TGFBRAP1: variants seen among roughly 807,000 people sequenced by gnomAD.
TGFBRAP1 encodes the protein transforming growth factor-beta receptor-associated protein 1.
In TGFBRAP1, 20 loss-of-function variants were observed where a neutral mutation model predicts 83.2. The observed-to-expected ratio is 0.24, with a 90% CI of 0.17 to 0.35. TGFBRAP1 has a LOEUF of 0.35. Ranked by LOEUF, TGFBRAP1 falls within the 10% of genes least tolerant of loss-of-function variation. TGFBRAP1 has a pLI of 1.00. For missense variants in TGFBRAP1, 950 were observed against 1,099.4 expected, an observed-to-expected ratio of 0.86 and a Z score of 1.92; for synonymous variants, 415 against 459.8, an observed-to-expected ratio of 0.90 and a Z score of 1.25.
chr2:105,329,597 C>T (rs1679314119), intron 1 of TGFBRAP1, 28 bp downstream of exon 1: 1 of 148,368 alleles, frequency 6.7e-6, no homozygotes, highest in African/African-American at 2.4e-5. Flanking sequence ...AGCCCCGCAC[C>T]CCGCGCCCCG....
chr2:105,316,465 G>GCGCGCGCGCA (rs1678872555), intron 1 of TGFBRAP1, among the ~76,000 whole-genome samples: 1 of 58,452 alleles, frequency 1.7e-5, no homozygotes, highest in African/African-American at 5.2e-5. Flanking sequence ...GTGTGTGTGC[G>GCGCGCGCGCA]CGCGCGCGCG....
At position 105,307,609 on chromosome 2, in the gene TGFBRAP1, C is replaced by A; in HGVS notation, c.688+5G>T. 1 of 1,601,834 alleles carries A rather than the reference C, an allele frequency of 6.2e-7. No homozygotes were observed. Among genetic ancestry groups the A allele is most frequent in the South Asian group, 1.1e-5 (1 of 89,278 alleles). ...AGATCAGGCGCACAAATGCATCCTC[C>A]TCACCCAGCCCTCCGGGGCCCGCCA... is the stretch of plus-strand genomic sequence containing the variant. On this transcript the variant is annotated splice_donor_5th_base_variant and intron_variant, in intron 2 of 11. Coordinates refer to ENST00000393359, the MANE Select transcript of TGFBRAP1 (RefSeq NM_004257.6).
At chr2:105,252,779 G>T in the TGFBRAP1 span, among the ~76,000 whole-genome samples, 15,594 of 132,768 alleles carry the variant, frequency 0.12, 1,136 homozygotes, top group Middle Eastern at 0.18. Context: ...TTGAGACAGA[G>T]TCTTTCTCTG....
At chr2:105,297,396 C>T (rs960516739) in intron 3 of TGFBRAP1, among the ~76,000 whole-genome samples, 15 of 152,196 alleles carry the variant, frequency 9.9e-5, no homozygotes, top group Non-Finnish European at 2.2e-4. Flanking sequence ...CACCCTGAGC[C>T]CGACTCTACC....
chr2:105,276,158 T>A (rs944748185), intron 7 of TGFBRAP1, among the ~76,000 whole-genome samples: 2 of 152,228 alleles, frequency 1.3e-5, no homozygotes, highest in African/African-American at 4.8e-5. Flanking sequence ...AGGCAGATGT[T>A]GTGCTTTTAC....
rs759889355 is a variant in TGFBRAP1 at position 105,298,661 on chromosome 2, G to A, written c.733C>T (p.His245Tyr). The change falls in exon 3 of 12, where the codon CAC becomes TAC. Residue 245 changes from histidine (H) to tyrosine (Y), a missense_variant. By Grantham distance (83) the His-to-Tyr change is moderately conservative. Coordinates refer to ENST00000393359, the MANE Select transcript of TGFBRAP1 (RefSeq NM_004257.6). ...GCCCCAATCACATTCTCCGACCAGTGCACGGGGGCGCGCTGGGATATCCCT... is the reference window on the plus strand; with the variant it reads ...GCCCCAATCACATTCTCCGACCAGTACACGGGGGCGCGCTGGGATATCCCT... ...VAGISQRAPV[H>Y]WSENVIGAAV... is the part of the protein sequence containing the mutation. The A allele has an allele frequency of 2.0e-5, 32 of 1,608,362 alleles. No individual in the cohort carries two copies. Among genetic ancestry groups the A allele is most frequent in the Non-Finnish European group, 2.6e-5 (31 of 1,176,158 alleles).
At chr2:105,274,363 C>T (rs566005628) in intron 8 of TGFBRAP1, among the ~76,000 whole-genome samples, 6 of 152,208 alleles carry the variant, frequency 3.9e-5, no homozygotes, top group Admixed American at 1.3e-4. Context: ...ATCATGTGCA[C>T]GCACACACGC....
At chr2:105,272,628 T>C (rs79812157) in intron 10 of TGFBRAP1, among the ~76,000 whole-genome samples, 3,962 of 152,054 alleles carry the variant, frequency 0.026, 163 homozygotes, top group African/African-American at 0.09. Flanking sequence ...TCCCAGCACC[T>C]TAGGAGGCAG....
At chr2:105,318,472 A>G (rs953456196) in intron 1 of TGFBRAP1, among the ~76,000 whole-genome samples, 1 of 152,218 alleles carries the variant, frequency 6.6e-6, no homozygotes, top group African/African-American at 2.4e-5. Context: ...ATATACACGT[A>G]CATGTAGAAT....
intron 10 of TGFBRAP1, among the ~76,000 whole-genome samples, chr2:105,272,583 G>A (rs1238448306): frequency 6.6e-6 from 1 of 152,156 alleles, no homozygotes; most frequent in South Asian, 2.1e-4. Context: ...GTCAAAAGAG[G>A]CTCAAGGGCT....
chr2:105,259,184 G>A, the TGFBRAP1 span, among the ~76,000 whole-genome samples: 1 of 152,212 alleles, frequency 6.6e-6, no homozygotes, highest in Non-Finnish European at 1.5e-5. Flanking sequence ...GTGGAAATAT[G>A]TTAGGAAATC....
intron 1 of TGFBRAP1, among the ~76,000 whole-genome samples, chr2:105,316,462 T>TGTGTGCGCGCGCGC (rs1177329674): frequency 8.5e-4 from 72 of 84,788 alleles, no homozygotes; most frequent in African/African-American, 2.3e-3. Context: ...TGTGTGTGTG[T>TGTGTGCGCGCGCGC]GCGCGCGCGC....
Position 105,280,701 on chromosome 2 carries a change from C to T in TGFBRAP1, c.1144G>A (p.Glu382Lys). ...AGGAAGGGGTAGAGAGAGATCAGCT[C>T]CCGGACATCAAGCTGGCCGCTTCTG... ...LFRSGQLDVR[E>K]LISLYPFLLP... The change falls in exon 6 of 12, where the codon GAG (glutamate) becomes AAG (lysine). Residue 382 changes from glutamate to lysine, a missense_variant. Glu to Lys is a moderately conservative substitution (Grantham distance 56). Coordinates refer to ENST00000393359, the MANE Select transcript of TGFBRAP1 (RefSeq NM_004257.6). The T allele has an allele frequency of 6.2e-7, 1 of 1,613,274 alleles. No homozygotes were observed. Among genetic ancestry groups the T allele is most frequent in the East Asian group, 2.2e-5 (1 of 44,852 alleles).
rs1255464525 is a variant in TGFBRAP1 at position 105,275,605 on chromosome 2, T to C, written c.1620A>G (p.Glu540=). 1.9e-6 allele frequency: 3 copies of C among 1,614,174 alleles called. No homozygotes were observed. In the Admixed American group the frequency reaches 5.0e-5, roughly 27 times the overall value. Residue 540 remains glutamate, a synonymous_variant, in exon 8 of 12, where the codon GAA becomes GAG. Coordinates refer to ENST00000393359, the MANE Select transcript of TGFBRAP1 (RefSeq NM_004257.6). ...VDFLTYCLDE[E]LVWAYADWVL... is the part of the protein sequence containing the mutation. ...CCCAATCAGCATAGGCCCACACTAG[T>C]TCCTCGTCTAAGCAGTAGGTAAGAA...
chr2:105,262,655 G>A (rs1390117051), downstream of TGFBRAP1, among the ~76,000 whole-genome samples: 3 of 152,270 alleles, frequency 2.0e-5, no homozygotes, highest in East Asian at 1.9e-4. Flanking sequence ...CCACGCTCCC[G>A]ACACCTGACA....
intron 1 of TGFBRAP1, among the ~76,000 whole-genome samples, chr2:105,320,353 C>CT (rs1679019262): frequency 6.6e-6 from 1 of 152,064 alleles, no homozygotes; most frequent in Non-Finnish European, 1.5e-5. Flanking sequence ...AAAGGACACA[C>CT]TACCTCAAGT....
At position 105,272,880 on chromosome 2, in the gene TGFBRAP1, A is replaced by G. The variant is rs1464593868; in HGVS notation, c.1947T>C (p.Asp649=). The change falls in exon 10 of 12, where the codon GAT becomes GAC. Residue 649 remains aspartate, a synonymous_variant. Coordinates refer to ENST00000393359, the MANE Select transcript of TGFBRAP1 (RefSeq NM_004257.6). ...CGAGAAGAAAGTGGACTCGGTATAA[A>G]TCAGATTTCTGGAGCAGCCGCCGCA... ...AKLRRLLQKS[D]LYRVHFLLER... is the part of the protein sequence containing the mutation. The G allele has an allele frequency of 1.2e-6, 2 of 1,608,856 alleles. No homozygotes were observed. Among genetic ancestry groups the G allele is most frequent in the Middle Eastern group, 1.7e-4 (1 of 6,058 alleles).
chr2:105,277,574 T>C, intron 7 of TGFBRAP1, 40 bp downstream of exon 7: 1 of 1,604,160 alleles, frequency 6.2e-7, no homozygotes. Context: ...ACTTACATGG[T>C]GCTGATTTTT....
At chr2:105,303,801 T>G (rs1678390049) in intron 2 of TGFBRAP1, among the ~76,000 whole-genome samples, 1 of 152,128 alleles carries the variant, frequency 6.6e-6, no homozygotes, top group African/African-American at 2.4e-5. Context: ...TAATTACTAT[T>G]TGAAGAAAAC....
Sources: gnomAD v4.1 joint callset for allele counts (sites outside exome capture counted in the v4.1 genomes callset) on GRCh38, gnomAD v4.1.1 for gene constraint, MANE v1.5 for transcripts, NCBI Gene and HGNC (gene_info 2026-07-23, HGNC 2026-07-21) for gene names.